Variants in LTV1 observed in about 807,000 individuals in gnomAD.
LTV1 encodes the protein LTV1 ribosome biogenesis factor.
In LTV1, 39 loss-of-function variants were observed where a neutral mutation model predicts 59.9. The ratio of observed to expected loss-of-function variants is 0.65; its 90% CI spans 0.50 to 0.85. LTV1 has a LOEUF of 0.85. Ranked by LOEUF, LTV1 falls within the 40% of genes least tolerant of loss-of-function variation. The pLI is 0.00. For missense variants in LTV1, 493 were observed against 549.1 expected, an observed-to-expected ratio of 0.90 and a Z score of 1.02; for synonymous variants, 171 against 189.5, an observed-to-expected ratio of 0.90 and a Z score of 0.80.
At chr6:143,861,900 G>A (rs184689641) in intron 7 of LTV1, among the ~76,000 whole-genome samples, 16 of 152,274 alleles carry the variant, frequency 1.1e-4, no homozygotes, top group Middle Eastern at 3.4e-3. Context: ...CCTATCAGCC[G>A]AGTGAATGTC....
Position 143,862,619 on chromosome 6 carries a change from A to G in LTV1, c.1064-225A>G, listed in dbSNP as rs548867748. 1.3e-5 allele frequency among the ~76,000 whole-genome samples: 2 copies of G among 152,308 alleles called. No homozygotes were observed. Among genetic ancestry groups the G allele is most frequent in the African/African-American group, 2.4e-5 (1 of 41,568 alleles). ...ACATATATCAACTTTGAAAAAATAC[A>G]TATATTTTAATAAGAGTTAGGCTTT... On this transcript the variant is annotated intron_variant, in intron 8 of 10. Coordinates refer to ENST00000367576, the MANE Select transcript of LTV1 (RefSeq NM_032860.5). The surrounding 1 kb of genome is among the most constrained non-coding windows in gnomAD (Gnocchi z 4.2).
intron 4 of LTV1, among the ~76,000 whole-genome samples, chr6:143,852,485 T>C (rs1164106744): frequency 6.6e-6 from 1 of 152,198 alleles, no homozygotes; most frequent in African/African-American, 2.4e-5. Flanking sequence ...GTCAGATGGA[T>C]TGATTGCAAA....
Position 143,863,510 on chromosome 6 carries a change from G to A in LTV1, c.1411G>A (p.Glu471Lys). The A allele has an allele frequency of 6.2e-7, 1 of 1,613,066 alleles. No homozygotes were observed. Residue 471 changes from glutamate (E) to lysine (K), a missense_variant, in exon 11 of 11, where the codon GAG becomes AAG. Coordinates refer to ENST00000367576, the MANE Select transcript of LTV1 (RefSeq NM_032860.5). This position sits in a 1 kb window ranked among gnomAD's most constrained non-coding sequence, Gnocchi z 4.5. ...KELLNLKKNV[E>K]GLKL ...GCTGCTGAACTTGAAGAAGAATGTT[G>A]AGGGTCTAAAGCTATAGACAGTGGA...
Position 143,857,201 on chromosome 6 carries a change from A to G in LTV1, c.398-102A>G. 3.0e-6 allele frequency: 4 copies of G among 1,334,360 alleles called. No individual in the cohort carries two copies. The highest frequency in any genetic ancestry group is 4.2e-6 in the Non-Finnish European group (4 of 956,530). The allele number at this position is 1,334,360 out of a possible 1,614,324, so 82.7% of individuals were successfully genotyped here. On this transcript the variant is annotated intron_variant, in intron 4 of 10. Transcript: ENST00000367576. This position sits in a 1 kb window ranked among gnomAD's most constrained non-coding sequence, Gnocchi z 5.2. ...TCTTAATCGTTCTTTTATCCTCAAT[A>G]TATTAATAGACTCTTGCTATCATAG...
At position 143,857,264 on chromosome 6, in the gene LTV1, A is replaced by G. The variant is rs746094623; in HGVS notation, c.398-39A>G. The G allele has an allele frequency of 3.0e-5, 48 of 1,609,648 alleles. No individual in the cohort carries two copies. The highest frequency in any genetic ancestry group is 6.7e-5 in the East Asian group (3 of 44,834). On this transcript the variant is annotated intron_variant, in intron 4 of 10. Coordinates refer to ENST00000367576, the MANE Select transcript of LTV1 (RefSeq NM_032860.5). The surrounding 1 kb of genome is among the most constrained non-coding windows in gnomAD (Gnocchi z 5.2). ...TGAGTTAAGTGAATGAATTGTTGCT[A>G]TCTTGGGAATTACTGCTTAATTTTT...
In LTV1 at chr6:143,863,571, A is replaced by G. The variant is rs149179300; in HGVS notation, c.*44A>G. ...CAAGGCACTTTATTAGGGGCTCCTC[A>G]TCTTTGGTTATTGACTAGAAACTTC... On this transcript the variant is annotated 3_prime_UTR_variant, in exon 11 of 11. Coordinates refer to ENST00000367576, the MANE Select transcript of LTV1 (RefSeq NM_032860.5). This position sits in a 1 kb window ranked among gnomAD's most constrained non-coding sequence, Gnocchi z 4.5. The G allele has an allele frequency of 1.6e-4, 199 of 1,277,522 alleles. No homozygotes were observed. The African/African-American group carries it at 2.8e-3, about 18-fold the overall frequency. The allele number at this position is 1,277,522 out of a possible 1,614,324, so 79.1% of individuals were successfully genotyped here.
Position 143,857,986 on chromosome 6 carries a change from A to G in LTV1, c.774A>G (p.Leu258=), listed in dbSNP as rs1777107346. The G allele has an allele frequency of 6.2e-7, 1 of 1,614,096 alleles. No homozygotes were observed. The highest frequency in any genetic ancestry group is 1.1e-5 in the South Asian group (1 of 91,074). The change falls in exon 6 of 11, where the codon CTA becomes CTG. Residue 258 remains leucine (L), a synonymous_variant. Coordinates refer to ENST00000367576, the MANE Select transcript of LTV1 (RefSeq NM_032860.5). The surrounding 1 kb of genome is among the most constrained non-coding windows in gnomAD (Gnocchi z 5.2). ...SVMRRNEQLT[L]HDERFEKFYE... is the part of the protein sequence containing the mutation. ...TGAGGAGAAATGAACAGCTGACCCT[A>G]CATGATGAGAGGTTTGAGAAGGTAA...
chr6:143,847,382 A>G (rs1284267261), intron 3 of LTV1, among the ~76,000 whole-genome samples: 1 of 152,190 alleles, frequency 6.6e-6, no homozygotes, highest in Non-Finnish European at 1.5e-5. Flanking sequence ...TGTTGTTGAG[A>G]CGGAGTTTTG....
At chr6:143,849,900 G>A (rs568844935) in intron 3 of LTV1, among the ~76,000 whole-genome samples, 2 of 152,234 alleles carry the variant, frequency 1.3e-5, no homozygotes, top group Admixed American at 1.3e-4. Flanking sequence ...ACTCCAGTCT[G>A]CTGTCATCTG....
In LTV1 at chr6:143,862,152, A is replaced by G. The variant is rs1254860396; in HGVS notation, c.972A>G (p.Pro324=). Residue 324 remains proline, a synonymous_variant, in exon 8 of 11, where the codon CCA becomes CCG. Transcript: ENST00000367576. The surrounding 1 kb of genome is among the most constrained non-coding windows in gnomAD (Gnocchi z 4.2). The part of the protein sequence containing the change: ...TLEPLEDQDL[P]MNELDESEEE... ...AACCCTTGGAGGATCAAGACCTGCC[A>G]ATGAATGAGCTTGATGAGTCTGAGG... is the stretch of plus-strand genomic sequence containing the variant. 4 of 1,614,104 alleles carry G rather than the reference A, an allele frequency of 2.5e-6. No homozygotes were observed. Among genetic ancestry groups the G allele is most frequent in the Non-Finnish European group, 3.4e-6 (4 of 1,179,950 alleles).
At chr6:143,850,987 G>C (rs1466332771) in intron 4 of LTV1, among the ~76,000 whole-genome samples, 1 of 151,444 alleles carries the variant, frequency 6.6e-6, no homozygotes, top group East Asian at 1.9e-4. Flanking sequence ...GTGATATCTA[G>C]TTTGTTTCTT....
intron 2 of LTV1, among the ~76,000 whole-genome samples, chr6:143,844,894 C>T (rs1334627154): frequency 6.6e-6 from 1 of 152,104 alleles, no homozygotes; most frequent in African/African-American, 2.4e-5. Context: ...ATTTTCAGTA[C>T]AATTGGTGAT....
At chr6:143,859,454 T>A (rs966442921) in intron 6 of LTV1, among the ~76,000 whole-genome samples, 1 of 152,234 alleles carries the variant, frequency 6.6e-6, no homozygotes, top group Non-Finnish European at 1.5e-5. Context: ...TGCTCACGGA[T>A]ACATCCAAAA....
Position 143,863,189 on chromosome 6 carries a change from G to C in LTV1, c.1220G>C (p.Gly407Ala), listed in dbSNP as rs1264882939. 1 of 1,613,844 alleles carries C rather than the reference G, an allele frequency of 6.2e-7. No homozygotes were observed. The highest frequency in any genetic ancestry group is 8.5e-7 in the Non-Finnish European group (1 of 1,179,918). Residue 407 changes from glycine to alanine, a missense_variant, in exon 10 of 11, where the codon GGC (glycine) becomes GCC (alanine). By Grantham distance (60) the Gly-to-Ala change is moderately conservative. Transcript: ENST00000367576. The surrounding 1 kb of genome is among the most constrained non-coding windows in gnomAD (Gnocchi z 4.5). ...ACTGAAAGAATACAGATGATTAATG[G>C]CAGTGATCTTCCTAAAGTATCAACT... ...KQTERIQMIN[G>A]SDLPKVSTQP... is the part of the protein sequence containing the mutation.
At chr6:143,843,900 T>C (rs1776845350) in intron 1 of LTV1, among the ~76,000 whole-genome samples, 1 of 152,142 alleles carries the variant, frequency 6.6e-6, no homozygotes, top group Admixed American at 6.5e-5. Flanking sequence ...TGGGAGAGCA[T>C]AAGGTTGGGC....
In LTV1 at chr6:143,863,428, G is replaced by T; in HGVS notation, c.1329G>T (p.Val443=). 6.2e-7 allele frequency: 1 copy of T among 1,613,092 alleles called. No individual in the cohort carries two copies. The highest frequency in any genetic ancestry group is 1.3e-5 in the African/African-American group (1 of 74,992). Residue 443 remains valine (V), a synonymous_variant, in exon 11 of 11, where the codon GTG becomes GTT. Coordinates refer to ENST00000367576, the MANE Select transcript of LTV1 (RefSeq NM_032860.5). The surrounding 1 kb of genome is among the most constrained non-coding windows in gnomAD (Gnocchi z 4.5). The part of the protein sequence containing the change: ...AIKEERKERR[V]EKKANKLAFK... ...TGTACTTATAACAGGAACGAAGAGT[G>T]GAGAAGAAAGCTAACAAATTAGCAT... is the stretch of plus-strand genomic sequence containing the variant.
intron 7 of LTV1, among the ~76,000 whole-genome samples, chr6:143,861,492 A>G (rs1188111901): frequency 1.3e-5 from 2 of 151,880 alleles, no homozygotes; most frequent in African/African-American, 2.4e-5. Flanking sequence ...TCGTGTTTCT[A>G]GTCTTTTGGG....
intron 3 of LTV1, among the ~76,000 whole-genome samples, chr6:143,847,844 A>G (rs1034674005): frequency 6.6e-6 from 1 of 152,202 alleles, no homozygotes; most frequent in African/African-American, 2.4e-5. Flanking sequence ...GATTAGTCCC[A>G]TATACTTTTT....
rs1336225639 is a variant in LTV1, at chr6:143,863,153, C to G, written c.1184C>G (p.Thr395Arg). The change falls in exon 10 of 11, where the codon ACA becomes AGA. Residue 395 changes from threonine to arginine, a missense_variant. Coordinates refer to ENST00000367576, the MANE Select transcript of LTV1 (RefSeq NM_032860.5). The surrounding 1 kb of genome is among the most constrained non-coding windows in gnomAD (Gnocchi z 4.5). Reference protein sequence around the residue: ...PLNVLPKKGLTAKQTERIQMI... With the variant: ...PLNVLPKKGLRAKQTERIQMI... ...AATGTCTTACCAAAGAAAGGACTCACAGCAAAGCAAACTGAAAGAATACAG... is the reference window on the plus strand; with the variant it reads ...AATGTCTTACCAAAGAAAGGACTCAGAGCAAAGCAAACTGAAAGAATACAG... 1.9e-6 allele frequency: 3 copies of G among 1,613,856 alleles called. No individual in the cohort carries two copies. The highest frequency in any genetic ancestry group is 1.1e-5 in the South Asian group (1 of 91,088).
Sources: gnomAD v4.1 joint callset for allele counts (sites outside exome capture counted in the v4.1 genomes callset) on GRCh38, gnomAD v4.1.1 for gene constraint, Gnocchi (gnomAD v3.1) non-coding constraint, MANE v1.5 for transcripts, NCBI Gene and HGNC (gene_info 2026-07-23, HGNC 2026-07-21) for gene names.